Variants in HPSE2 observed in about 807,000 individuals in gnomAD.
The protein encoded by HPSE2 is inactive heparanase-2.
Under a neutral mutation model 60.5 loss-of-function variants are expected in HPSE2, and 38 were observed. The ratio of observed to expected loss-of-function variants is 0.63; its 90% CI spans 0.48 to 0.82. HPSE2 has a LOEUF of 0.82. Among genes scored for constraint, HPSE2 ranks in the 40% least tolerant of loss-of-function variants. The pLI, the probability that HPSE2 is intolerant of heterozygous loss-of-function variation, is 0.00. For synonymous variants in HPSE2, 295 were observed against 293.2 expected (o/e 1.01, Z -0.06); for missense variants, 713 against 740.4 (o/e 0.96, Z 0.43).
At chr10:98,480,933 A>C (rs540961472) in intron 11 of HPSE2, among the ~76,000 whole-genome samples, 1 of 152,206 alleles carries the variant, frequency 6.6e-6, no homozygotes, top group African/African-American at 2.4e-5. Context: ...TCGCTCCACA[A>C]AAGAGGTTTC....
the HPSE2 span, among the ~76,000 whole-genome samples, chr10:99,301,794 C>G: frequency 5.9e-4 from 89 of 151,908 alleles, 1 homozygote; most frequent in Non-Finnish European, 2.9e-5. Flanking sequence ...CATGAGCCCC[C>G]ACCAAGTACA....
chr10:98,473,798 T>C (rs1940885676), intron 11 of HPSE2, among the ~76,000 whole-genome samples: 1 of 152,190 alleles, frequency 6.6e-6, no homozygotes, highest in African/African-American at 2.4e-5. Context: ...GCCTAATACA[T>C]GGAGGCTCTT....
At chr10:98,864,480 G>A (rs1034657044) in intron 3 of HPSE2, among the ~76,000 whole-genome samples, 1 of 152,060 alleles carries the variant, frequency 6.6e-6, no homozygotes, top group Non-Finnish European at 1.5e-5. Flanking sequence ...ATGGGCCAAG[G>A]AACTTTATAT....
At chr10:98,994,823 T>C (rs2135352898) in intron 3 of HPSE2, among the ~76,000 whole-genome samples, 1 of 152,328 alleles carries the variant, frequency 6.6e-6, no homozygotes, top group East Asian at 1.9e-4. Context: ...GTCCTAGATA[T>C]GCATAGGATA....
At chr10:98,729,890 C>A (rs948641581) in intron 4 of HPSE2, among the ~76,000 whole-genome samples, 6 of 151,784 alleles carry the variant, frequency 4.0e-5, no homozygotes, top group African/African-American at 1.2e-4. Context: ...AATTCAAGAA[C>A]AATTGAAGGA....
At chr10:98,932,165 G>A (rs1413028576) in intron 3 of HPSE2, among the ~76,000 whole-genome samples, 1 of 143,780 alleles carries the variant, frequency 7.0e-6, no homozygotes, top group Non-Finnish European at 1.5e-5. Flanking sequence ...TTTATTGAGA[G>A]TTTTTAACAT....
At chr10:98,631,025 C>T (rs1030201207) in intron 7 of HPSE2, among the ~76,000 whole-genome samples, 37 of 152,182 alleles carry the variant, frequency 2.4e-4, no homozygotes, top group Admixed American at 1.0e-3. Flanking sequence ...TATCTCATCA[C>T]ATTCCTCTTG....
intron 7 of HPSE2, among the ~76,000 whole-genome samples, chr10:98,622,876 G>T (rs1255893309): frequency 1.3e-5 from 2 of 152,018 alleles, no homozygotes; most frequent in African/African-American, 4.8e-5. Context: ...GGAATTGTAG[G>T]AACAAGAAAG....
intron 3 of HPSE2, among the ~76,000 whole-genome samples, chr10:98,928,486 T>A (rs1262158849): frequency 1.8e-5 from 2 of 108,278 alleles, no homozygotes; most frequent in Non-Finnish European, 3.6e-5. Flanking sequence ...ATCCCATTAC[T>A]GGGTATATAC....
At chr10:98,796,628 G>C (rs982950223) in intron 3 of HPSE2, among the ~76,000 whole-genome samples, 5 of 152,208 alleles carry the variant, frequency 3.3e-5, no homozygotes, top group African/African-American at 1.2e-4. Context: ...CACAAAGCTG[G>C]TTAGCTTCAC....
the HPSE2 span, among the ~76,000 whole-genome samples, chr10:99,282,332 T>A: frequency 1.3e-5 from 2 of 152,140 alleles, no homozygotes; most frequent in African/African-American, 4.8e-5. Context: ...CTCATCAAGA[T>A]ATAACAATTA....
intron 3 of HPSE2, among the ~76,000 whole-genome samples, chr10:98,930,870 C>T (rs762400822): frequency 7.0e-5 from 10 of 143,760 alleles, no homozygotes; most frequent in South Asian, 2.1e-4. Context: ...GGATATTAGC[C>T]CTTTGTCAGA....
chr10:99,286,749 C>A, the HPSE2 span, among the ~76,000 whole-genome samples: 1 of 152,188 alleles, frequency 6.6e-6, no homozygotes, highest in African/African-American at 2.4e-5. Flanking sequence ...TGTTAAAAAA[C>A]AAAATATTTA....
At chr10:99,176,527 T>C (rs143434103) in intron 2 of HPSE2, among the ~76,000 whole-genome samples, 10 of 151,942 alleles carry the variant, frequency 6.6e-5, no homozygotes, top group African/African-American at 2.4e-4. Context: ...ATATCAGAGA[T>C]TGAAGAGCAA....
At chr10:98,867,294 G>GAA (rs200460520) in intron 3 of HPSE2, among the ~76,000 whole-genome samples, 2 of 140,100 alleles carry the variant, frequency 1.4e-5, no homozygotes, top group Admixed American at 7.1e-5. Flanking sequence ...AACTCTATAG[G>GAA]AAAAAAAAAA....
chr10:99,008,156 T>G (rs1956933437), intron 3 of HPSE2, among the ~76,000 whole-genome samples: 1 of 152,214 alleles, frequency 6.6e-6, no homozygotes, highest in South Asian at 2.1e-4. Flanking sequence ...TTCCATCTCC[T>G]GATCTTGTTT....
intron 11 of HPSE2, among the ~76,000 whole-genome samples, chr10:98,468,863 T>A (rs907095193): frequency 4.6e-5 from 7 of 152,116 alleles, no homozygotes; most frequent in Non-Finnish European, 7.4e-5. Flanking sequence ...CCATACCCTA[T>A]TTGGAGTTCC....
intron 3 of HPSE2, among the ~76,000 whole-genome samples, chr10:99,039,916 C>T (rs1957698711): frequency 1.3e-5 from 2 of 152,182 alleles, no homozygotes; most frequent in Admixed American, 1.3e-4. Flanking sequence ...TGTATATTTA[C>T]TCACCCTTAA....
At chr10:98,590,524 G>C (rs1226567623) in intron 9 of HPSE2, among the ~76,000 whole-genome samples, 3 of 152,056 alleles carry the variant, frequency 2.0e-5, no homozygotes, top group African/African-American at 7.2e-5. Flanking sequence ...TTTCATTCAG[G>C]ACTCAACAGT....
Sources: gnomAD v4.1 joint callset for allele counts (sites outside exome capture counted in the v4.1 genomes callset) on GRCh38, gnomAD v4.1.1 for gene constraint, MANE v1.5 for transcripts, NCBI Gene and HGNC (gene_info 2026-07-23, HGNC 2026-07-21) for gene names.